Variants in SLC4A8 observed in about 807,000 individuals in gnomAD.
SLC4A8 encodes the protein solute carrier family 4 member 8.
SLC4A8 carries 40 observed loss-of-function variants against 125.0 expected under a neutral mutation model. The observed-to-expected ratio is 0.32, with a 90% CI of 0.25 to 0.42. The LOEUF (loss-of-function observed/expected upper bound fraction) is 0.42, where lower values mean the gene tolerates loss of function less well. Ranked by LOEUF, SLC4A8 falls within the 10% of genes least tolerant of loss-of-function variation. SLC4A8 has a pLI of 1.00. For synonymous variants in SLC4A8, 456 were observed against 476.0 expected, an observed-to-expected ratio of 0.96 and a Z score of 0.55; for missense variants, 863 against 1,355.1, an observed-to-expected ratio of 0.64 and a Z score of 5.70.
At chr12:51,458,397 G>A (rs372320010) in intron 6 of SLC4A8, among the ~76,000 whole-genome samples, 162 bp from the exon 7 acceptor site, 2 of 152,328 alleles carry the variant, frequency 1.3e-5, no homozygotes, top group Admixed American at 6.5e-5. Flanking sequence ...CTAACTAGTA[G>A]ATAAGGAGAA....
intron 2 of SLC4A8, among the ~76,000 whole-genome samples, chr12:51,443,774 G>A (rs374329999): frequency 6.6e-6 from 1 of 152,188 alleles, no homozygotes; most frequent in Non-Finnish European, 1.5e-5. Flanking sequence ...TAAGCCCAGA[G>A]GAGCCGAGCA....
chr12:51,397,691 T>C (rs1468695689), intron 1 of SLC4A8, among the ~76,000 whole-genome samples: 1 of 152,040 alleles, frequency 6.6e-6, no homozygotes, highest in Non-Finnish European at 1.5e-5. Context: ...ATATGATTTA[T>C]ATGTACATAT....
At position 51,504,054 on chromosome 12, in the gene SLC4A8, G is replaced by C; in HGVS notation, c.3107G>C (p.Gly1036Ala). ...EEEAEKMLEI[G>A]GDKFPLESRK... ...GAGGCTGAGAAAATGTTAGAAATTG[G>C]GGGAGACAAGTTTCCCTTAGAGAGC... is the stretch of plus-strand genomic sequence containing the variant. The change falls in exon 23 of 25, where the codon GGG becomes GCG. Residue 1036 changes from glycine to alanine, a missense_variant. Coordinates refer to ENST00000453097, the MANE Select transcript of SLC4A8 (RefSeq NM_001039960.3). 2 of 1,584,774 alleles carry C rather than the reference G, an allele frequency of 1.3e-6. No individual in the cohort carries two copies. The highest frequency in any genetic ancestry group is 4.5e-5 in the East Asian group (2 of 44,162).
intron 2 of SLC4A8, among the ~76,000 whole-genome samples, chr12:51,446,044 T>A (rs1328374072): frequency 6.6e-6 from 1 of 152,222 alleles, no homozygotes; most frequent in East Asian, 1.9e-4. Context: ...TAACAAATTG[T>A]ATTTTATTAA....
intron 13 of SLC4A8, among the ~76,000 whole-genome samples, chr12:51,470,960 A>G (rs1950675279): frequency 6.6e-6 from 1 of 151,090 alleles, no homozygotes; most frequent in Non-Finnish European, 1.5e-5. Flanking sequence ...TTTTCCTTTT[A>G]TATTTCAAGT....
At chr12:51,408,956 A>G (rs1262975480) in intron 1 of SLC4A8, among the ~76,000 whole-genome samples, 1 of 152,218 alleles carries the variant, frequency 6.6e-6, no homozygotes, top group Non-Finnish European at 1.5e-5. Flanking sequence ...ATTAATTAAA[A>G]AAACCCTGTT....
At position 51,512,972 on chromosome 12, in the gene SLC4A8, T is replaced by G. The variant is rs1938418011; in HGVS notation, c.*5534T>G. ...GGCCAGGGAAGTGGTGCACCTCTTT[T>G]ATAACAATGGGAGATTTCAGAAACA... On this transcript the variant is annotated 3_prime_UTR_variant, in exon 25 of 25. Coordinates refer to ENST00000453097, the MANE Select transcript of SLC4A8 (RefSeq NM_001039960.3). The G allele has an allele frequency of 6.6e-6, 1 of 152,230 alleles. No homozygotes were observed. The highest frequency in any genetic ancestry group is 6.5e-5 in the Admixed American group (1 of 15,282). The allele number at this position is 152,230 out of a possible 1,614,324, so 9.4% of individuals were successfully genotyped here. A position where few individuals can be genotyped will look rare whatever the true frequency, so the allele number is the denominator to read the frequency against.
intron 1 of SLC4A8, among the ~76,000 whole-genome samples, chr12:51,415,986 CA>C (rs1948677671): frequency 6.6e-6 from 1 of 151,686 alleles, no homozygotes; most frequent in African/African-American, 2.4e-5. Context: ...TCACTATTAC[CA>C]AAAGGTAAGA....
intron 1 of SLC4A8, among the ~76,000 whole-genome samples, chr12:51,414,016 T>C (rs1948640302): frequency 6.6e-6 from 1 of 152,216 alleles, no homozygotes; most frequent in Admixed American, 6.5e-5. Flanking sequence ...TTGGGTAGTA[T>C]GGTCATTTTA....
intron 1 of SLC4A8, chr12:51,403,281 A>G (rs776917804): frequency 2.2e-6 from 1 of 455,224 alleles, no homozygotes; most frequent in Non-Finnish European, 4.4e-6. Context: ...GGATCAGTGG[A>G]GCCAACATGT....
At chr12:51,408,101 C>A (rs898806036) in intron 1 of SLC4A8, among the ~76,000 whole-genome samples, 1 of 152,204 alleles carries the variant, frequency 6.6e-6, no homozygotes, top group Non-Finnish European at 1.5e-5. Flanking sequence ...TCCAGTATGA[C>A]CTCATCTTAA....
intron 5 of SLC4A8, among the ~76,000 whole-genome samples, chr12:51,455,201 ACTT>A (rs1423654101): frequency 6.6e-6 from 1 of 150,472 alleles, no homozygotes; most frequent in Non-Finnish European, 1.5e-5. Context: ...TCCTATGTCT[ACTT>A]CTTTCTACAC....
intron 14 of SLC4A8, among the ~76,000 whole-genome samples, chr12:51,473,117 T>A (rs1423758157): frequency 6.7e-6 from 1 of 149,510 alleles, no homozygotes; most frequent in Middle Eastern, 3.2e-3. Flanking sequence ...TTCTATGGAT[T>A]TTGATAAATG....
chr12:51,470,657 C>G, intron 13 of SLC4A8, 132 bp downstream of exon 13: 1 of 829,424 alleles, frequency 1.2e-6, no homozygotes, highest in Non-Finnish European at 1.9e-6. Context: ...AGGAGACCAT[C>G]ATTTGGTCTG....
chr12:51,424,873 C>A lies in SLC4A8; in HGVS notation c.-115C>A, dbSNP rs775484273. The stretch of plus-strand genomic sequence containing the variant: ...GAGGCGGCGGCGGTTGATGGTTGAC[C>A]GTTGGCTCCGGGGTGGGGGTCGCCG... On this transcript the variant is annotated 5_prime_UTR_variant, in exon 1 of 25. Transcript: ENST00000453097. 24 of 1,155,176 alleles carry A rather than the reference C, an allele frequency of 2.1e-5. No homozygotes were observed. In the East Asian group the frequency reaches 5.8e-4, roughly 28 times the overall value. The allele number at this position is 1,155,176 out of a possible 1,614,324, so 71.6% of individuals were successfully genotyped here.
At chr12:51,453,402 C>T in intron 4 of SLC4A8, 137 bp from the exon 5 acceptor site, 1 of 822,106 alleles carries the variant, frequency 1.2e-6, no homozygotes, top group South Asian at 1.8e-5. Context: ...ATCAATGTAC[C>T]CTGAACATAC....
chr12:51,424,041 A>G (rs1398796081), upstream of SLC4A8, among the ~76,000 whole-genome samples: 1 of 46,784 alleles, frequency 2.1e-5, no homozygotes, highest in Non-Finnish European at 4.8e-5. Context: ...CGTCTCCAAA[A>G]AAAAAAAAAA....
chr12:51,392,695 TG>T (rs1948164355), intron 1 of SLC4A8: 1 of 152,094 alleles, frequency 6.6e-6, no homozygotes, highest in African/African-American at 2.4e-5. Flanking sequence ...CGGGTGATTT[TG>T]TGCATGCTCG....
In SLC4A8 at chr12:51,515,440, T is replaced by C. The variant is rs997614325; in HGVS notation, c.*8002T>C. Reference sequence around the variant, plus strand: ...GTGCTGGTACATTTCCCTTGTTTTCTATGTTCTTCTTTCTAGTGGGTCTCA... The same window carrying C: ...GTGCTGGTACATTTCCCTTGTTTTCCATGTTCTTCTTTCTAGTGGGTCTCA... On this transcript the variant is annotated 3_prime_UTR_variant, in exon 25 of 25. Coordinates refer to ENST00000453097, the MANE Select transcript of SLC4A8 (RefSeq NM_001039960.3). 6.6e-6 allele frequency: 1 copy of C among 152,238 alleles called. No individual in the cohort carries two copies. Among genetic ancestry groups the C allele is most frequent in the African/African-American group, 2.4e-5 (1 of 41,464 alleles). 9.4% of individuals were successfully genotyped at this position (152,238 alleles called of 1,614,324 possible).
Sources: gnomAD v4.1 joint callset for allele counts (sites outside exome capture counted in the v4.1 genomes callset) on GRCh38, gnomAD v4.1.1 for gene constraint, MANE v1.5 for transcripts, NCBI Gene and HGNC (gene_info 2026-07-23, HGNC 2026-07-21) for gene names.